PRAG1: variants seen among roughly 807,000 people sequenced by gnomAD.
The protein encoded by PRAG1 is PEAK1 related, kinase-activating pseudokinase 1.
A neutral mutation model predicts 95.6 loss-of-function variants in PRAG1; 110 were observed. The observed-to-expected ratio is 1.15, with a 90% CI of 0.99 to 1.35. PRAG1 has a LOEUF of 1.35. Among genes scored for constraint, PRAG1 ranks in the 40% most tolerant of loss-of-function variants. The pLI is 0.00. For missense variants in PRAG1, 2,554 were observed against 1,864.7 expected (o/e 1.37, Z -6.81); for synonymous variants, 1,052 against 819.4 (o/e 1.28, Z -4.85).
At chr8:8,345,922 C>T (rs1799326171) in intron 3 of PRAG1, among the ~76,000 whole-genome samples, 1 of 152,202 alleles carries the variant, frequency 6.6e-6, no homozygotes, top group East Asian at 1.9e-4. Context: ...AGGGCATGAG[C>T]AAAACCACAT....
At chr8:8,320,638 G>C (rs559604408) in intron 5 of PRAG1, among the ~76,000 whole-genome samples, 1 of 152,204 alleles carries the variant, frequency 6.6e-6, no homozygotes, top group Non-Finnish European at 1.5e-5. Context: ...AATGTAGAAA[G>C]ACAAAGATCA....
intron 3 of PRAG1, among the ~76,000 whole-genome samples, chr8:8,375,525 TCTGA>T (rs1196033213): frequency 5.3e-5 from 8 of 151,942 alleles, no homozygotes; most frequent in African/African-American, 1.5e-4. Flanking sequence ...AAAACCCACA[TCTGA>T]GGGTTCCTAA....
chr8:8,330,860 C>A (rs1468230064), intron 4 of PRAG1, among the ~76,000 whole-genome samples: 1 of 152,068 alleles, frequency 6.6e-6, no homozygotes, highest in African/African-American at 2.4e-5. Flanking sequence ...CAGTTGCCAC[C>A]TCCTGGATAA....
intron 3 of PRAG1, among the ~76,000 whole-genome samples, chr8:8,344,233 G>A (rs1044299121): frequency 1.3e-5 from 2 of 152,148 alleles, no homozygotes; most frequent in African/African-American, 4.8e-5. Flanking sequence ...GTTGAACGGT[G>A]CTTCCACAAA....
At chr8:8,358,231 A>T (rs1335056491) in intron 3 of PRAG1, among the ~76,000 whole-genome samples, 1 of 152,240 alleles carries the variant, frequency 6.6e-6, no homozygotes, top group Non-Finnish European at 1.5e-5. Flanking sequence ...CAAAGGATAC[A>T]GAAGAAGAGA....
intron 3 of PRAG1, chr8:8,374,635 A>G (rs1800319134): frequency 1.0e-6 from 1 of 984,752 alleles, no homozygotes; most frequent in Non-Finnish European, 1.2e-6. Context: ...AGTGCCATAT[A>G]AATGGAAGCT....
intron 3 of PRAG1, among the ~76,000 whole-genome samples, chr8:8,359,796 A>C (rs1799791686): frequency 6.6e-6 from 1 of 152,232 alleles, no homozygotes; most frequent in African/African-American, 2.4e-5. Flanking sequence ...CGCAGTTAAC[A>C]AATTTAAAGA....
intron 3 of PRAG1, among the ~76,000 whole-genome samples, chr8:8,350,923 GAT>G (rs1799499665): frequency 1.3e-5 from 2 of 151,928 alleles, no homozygotes; most frequent in Non-Finnish European, 2.9e-5. Flanking sequence ...TGGATGGATG[GAT>G]GGATGGATGG....
At chr8:8,363,383 C>T (rs1799907254) in intron 3 of PRAG1, among the ~76,000 whole-genome samples, 2 of 152,120 alleles carry the variant, frequency 1.3e-5, no homozygotes, top group South Asian at 4.1e-4. Context: ...TATCACTCAA[C>T]TTTTAAAAGG....
intron 3 of PRAG1, among the ~76,000 whole-genome samples, chr8:8,366,292 C>T (rs1240926123): frequency 6.6e-6 from 1 of 151,426 alleles, no homozygotes; most frequent in African/African-American, 2.4e-5. Flanking sequence ...AGTCCCCCTA[C>T]CACCCAAAGG....
chr8:8,371,550 C>T (rs934901451), intron 3 of PRAG1, among the ~76,000 whole-genome samples: 1 of 152,042 alleles, frequency 6.6e-6, no homozygotes, highest in Non-Finnish European at 1.5e-5. Flanking sequence ...TGAGCCACCG[C>T]GCCCGACCAT....
chr8:8,381,396 C>T (rs1245840396), intron 2 of PRAG1, 22 bp downstream of exon 2: 6 of 1,584,958 alleles, frequency 3.8e-6, no homozygotes, highest in African/African-American at 1.3e-5. Flanking sequence ...GTAAAAATAC[C>T]ACGAGTGTTA....
chr8:8,365,225 T>C (rs1424358369), intron 3 of PRAG1, among the ~76,000 whole-genome samples: 2 of 152,208 alleles, frequency 1.3e-5, no homozygotes, highest in Non-Finnish European at 2.9e-5. Flanking sequence ...CTTCCCAATT[T>C]AAATTATGTT....
At chr8:8,339,790 G>T (rs1216216365) in intron 3 of PRAG1, among the ~76,000 whole-genome samples, 155 bp from the exon 4 acceptor site, 1 of 152,122 alleles carries the variant, frequency 6.6e-6, no homozygotes, top group East Asian at 1.9e-4. Context: ...GACAGTAGAG[G>T]TTCTCTTCTG....
At chr8:8,359,367 CAAG>C (rs956865455) in intron 3 of PRAG1, among the ~76,000 whole-genome samples, 16 of 152,250 alleles carry the variant, frequency 1.1e-4, no homozygotes, top group African/African-American at 2.2e-4. Flanking sequence ...ATACAACACC[CAAG>C]AAGAAGGAGT....
At chr8:8,341,964 C>T (rs1173935350) in intron 3 of PRAG1, among the ~76,000 whole-genome samples, 1 of 152,052 alleles carries the variant, frequency 6.6e-6, no homozygotes, top group South Asian at 2.1e-4. Context: ...AACCCCATCT[C>T]TACTAATCAT....
At position 8,378,128 on chromosome 8, in the gene PRAG1, A is replaced by G. The variant is rs756819877; in HGVS notation, c.331-50T>C. The stretch of plus-strand genomic sequence containing the variant: ...GACTTATATTAGAACTTGTCATAGA[A>G]AAAAGAGAGAGAGGAAAAGTGAGAG... On this transcript the variant is annotated intron_variant, in intron 2 of 5. Transcript: ENST00000615670. The G allele has an allele frequency of 4.7e-6, 7 of 1,499,832 alleles. No individual in the cohort carries two copies. In the Admixed American group the frequency reaches 1.1e-4, roughly 24 times the overall value. The allele number at this position is 1,499,832 out of a possible 1,614,324, so 92.9% of individuals were successfully genotyped here.
At chr8:8,342,795 T>G (rs1466955133) in intron 3 of PRAG1, among the ~76,000 whole-genome samples, 1 of 152,208 alleles carries the variant, frequency 6.6e-6, no homozygotes, top group Non-Finnish European at 1.5e-5. Flanking sequence ...ACCCATTAAA[T>G]TTTAAATTCA....
intron 3 of PRAG1, among the ~76,000 whole-genome samples, chr8:8,342,312 C>A (rs1016957864): frequency 6.6e-6 from 1 of 151,262 alleles, no homozygotes; most frequent in Non-Finnish European, 1.5e-5. Context: ...CCTGCCTCAG[C>A]CTCCCGAGTA....
Sources: allele counts gnomAD v4.1 joint callset (sites outside exome capture counted in the v4.1 genomes callset), GRCh38; gene constraint gnomAD v4.1.1; transcripts MANE v1.5; gene names NCBI Gene and HGNC (gene_info 2026-07-23, HGNC 2026-07-21).